Variants in TRIM66 observed in about 807,000 individuals in gnomAD.
TRIM66 encodes the protein tripartite motif containing 66, also known as tripartite motif-containing protein 66.
TRIM66 carries 99 observed loss-of-function variants against 148.2 expected under a neutral mutation model. The ratio of observed to expected loss-of-function variants is 0.67; its 90% confidence interval spans 0.57 to 0.79. TRIM66 has a LOEUF of 0.79. TRIM66 is among the 30% of genes least tolerant of loss of function. The probability of loss-of-function intolerance (pLI) is 0.00; values close to 1 mark genes in which losing one functional copy is unlikely to be tolerated. For synonymous variants in TRIM66, 616 were observed against 635.9 expected, an observed-to-expected ratio of 0.97 and a Z score of 0.47; for missense variants, 1,666 against 1,697.9, an observed-to-expected ratio of 0.98 and a Z score of 0.33.
intron 15 of TRIM66, among the ~76,000 whole-genome samples, chr11:8,636,095 T>A (rs1332422500): frequency 1.3e-5 from 2 of 151,912 alleles, no homozygotes; most frequent in Non-Finnish European, 2.9e-5. Context: ...TTTTGAGATA[T>A]CTTCTCAACT....
In TRIM66 at chr11:8,620,400, G is replaced by A. The variant is rs558278528; in HGVS notation, c.3672+46C>T. ...GGCCTCAGACCCTGTAGGCAGAAGG[G>A]GGCTGCCAAAGGCAGGGAACCTTGT... is the stretch of plus-strand genomic sequence containing the variant. On this transcript the variant is annotated intron_variant, in intron 21 of 24. Transcript: ENST00000646038. 27 of 1,549,156 alleles carry A rather than the reference G, an allele frequency of 1.7e-5. No homozygotes were observed. In the African/African-American group the frequency reaches 3.7e-4, roughly 21 times the overall value.
At chr11:8,678,230 T>G (rs1285530470) in intron 3 of TRIM66, 4 of 152,124 alleles carry the variant, frequency 2.6e-5, no homozygotes, top group African/African-American at 9.7e-5. Context: ...TCCATCATTG[T>G]CTCTAACAGC....
At chr11:8,682,524 G>C (rs942499233) in intron 1 of TRIM66, 77 bp downstream of exon 1, 2 of 510,502 alleles carry the variant, frequency 3.9e-6, no homozygotes, top group South Asian at 4.5e-5. Flanking sequence ...GCAAGCACGG[G>C]CGGCGTGCAG....
intron 12 of TRIM66, 56 bp from the exon 13 acceptor site, chr11:8,643,182 C>T (rs2036550110): frequency 1.0e-5 from 15 of 1,429,602 alleles, no homozygotes; most frequent in Admixed American, 4.0e-5. Context: ...AATGACAACT[C>T]CCCTTCCCTT....
rs2038979924 is a variant in TRIM66 at position 8,672,379 on chromosome 11, G to A, written c.-105C>T. Reference sequence around the variant, plus strand: ...TGTGCCTCTCCTTATTGGTAGACAAGCTTGACCTAAGTTTCAATTTTGGAA... The same window carrying A: ...TGTGCCTCTCCTTATTGGTAGACAAACTTGACCTAAGTTTCAATTTTGGAA... On this transcript the variant is annotated 5_prime_UTR_variant, in exon 5 of 25. Transcript: ENST00000646038. 2.7e-6 allele frequency: 4 copies of A among 1,502,368 alleles called. No individual in the cohort carries two copies. In the African/African-American group the frequency reaches 5.6e-5, roughly 21 times the overall value. 93.1% of individuals were successfully genotyped at this position (1,502,368 alleles called of 1,614,324 possible). A position where few individuals can be genotyped will look rare whatever the true frequency, so the allele number is the denominator to read the frequency against.
intron 3 of TRIM66, among the ~76,000 whole-genome samples, chr11:8,675,698 G>A (rs568927698): frequency 3.9e-5 from 6 of 151,926 alleles, no homozygotes; most frequent in Admixed American, 1.3e-4. Context: ...TTGTCCTTTC[G>A]TGTAATACTG....
chr11:8,682,704 C>G, upstream of TRIM66: 1 of 1,361,670 alleles, frequency 7.3e-7, no homozygotes, highest in Non-Finnish European at 1.0e-6. Context: ...CAGGAGGCCC[C>G]GCCCGAAGCC....
chr11:8,638,941 T>A (rs1035531987), intron 14 of TRIM66, 126 bp from the exon 15 acceptor site: 9 of 1,003,118 alleles, frequency 9.0e-6, no homozygotes, highest in Non-Finnish European at 1.3e-5. Context: ...TGTGGACTGC[T>A]TAAACGTTTT....
intron 1 of TRIM66, among the ~76,000 whole-genome samples, chr11:8,681,717 G>T (rs2039437271): frequency 6.6e-6 from 1 of 152,002 alleles, no homozygotes; most frequent in African/African-American, 2.4e-5. Flanking sequence ...CTAGTTGAGT[G>T]TGGATTAAAA....
At chr11:8,623,691 AC>A (rs1164404624) in intron 17 of TRIM66, among the ~76,000 whole-genome samples, 2 of 152,146 alleles carry the variant, frequency 1.3e-5, no homozygotes, top group Non-Finnish European at 2.9e-5. Flanking sequence ...CTCACCTTCC[AC>A]AGAAGAACAA....
intron 12 of TRIM66, among the ~76,000 whole-genome samples, chr11:8,645,014 C>G (rs918221888): frequency 7.2e-5 from 11 of 152,236 alleles, no homozygotes; most frequent in Admixed American, 7.2e-4. Flanking sequence ...GCTTCTCACT[C>G]TCCTCCAGTC....
At chr11:8,618,608 G>C (rs190137673) in intron 24 of TRIM66, 142 bp downstream of exon 24, 1 of 753,194 alleles carries the variant, frequency 1.3e-6, no homozygotes, top group Admixed American at 2.3e-5. Flanking sequence ...CTTCCCTGGG[G>C]GCTAAGGGGC....
Position 8,640,640 on chromosome 11 carries a change from T to C in TRIM66, c.1735A>G (p.Ile579Val). Reference protein sequence around the residue: ...HAQPTLQTPSIQVQFGHHQKL... With the variant: ...HAQPTLQTPSVQVQFGHHQKL... ...TGGTGGTGGCCAAACTGGACTTGGA[T>C]AGAGGGTGTCTGTAAGGTGGGCTGG... Residue 579 changes from isoleucine (I) to valine (V), a missense_variant, in exon 14 of 25, where the codon ATC (isoleucine) becomes GTC (valine). Ile to Val is a conservative substitution (Grantham distance 29). Transcript: ENST00000646038. 6.4e-7 allele frequency: 1 copy of C among 1,551,460 alleles called. No homozygotes were observed. The highest frequency in any genetic ancestry group is 1.2e-5 in the South Asian group (1 of 84,042).
Position 8,646,476 on chromosome 11 carries a change from G to A in TRIM66, c.928C>T (p.Gln310Ter). The change falls in exon 11 of 25, where the codon CAG becomes TAG. Residue 310 changes from glutamine (Q) to a stop codon, truncating the protein, a stop_gained. Coordinates refer to ENST00000646038, the MANE Select transcript of TRIM66 (RefSeq NM_001388022.1). LOFTEE classifies it high-confidence loss of function. ...AATTCCTCTATTAGCCCATTGGCCT[G>A]TTTGTTCAGCTCATTCATCAGAACC... ...KMVLMNELNK[Q>*]ANGLIEELEG... The A allele has an allele frequency of 6.4e-7, 1 of 1,552,254 alleles. No homozygotes were observed. Among genetic ancestry groups the A allele is most frequent in the Non-Finnish European group, 8.7e-7 (1 of 1,147,098 alleles).
At chr11:8,677,842 G>C (rs923569495) in intron 3 of TRIM66, among the ~76,000 whole-genome samples, 6 of 152,152 alleles carry the variant, frequency 3.9e-5, no homozygotes, top group African/African-American at 1.4e-4. Flanking sequence ...CTTTAGGAAT[G>C]TAATTGCCAT....
chr11:8,662,706 A>G (rs1419002733), intron 6 of TRIM66, among the ~76,000 whole-genome samples: 1 of 152,260 alleles, frequency 6.6e-6, no homozygotes, highest in African/African-American at 2.4e-5. Flanking sequence ...TCTAAGTATC[A>G]AAGTCTTCCA....
rs2037212179 is a variant in TRIM66 at position 8,649,946 on chromosome 11, AGTG to A, written c.445-62_445-60del. 1.6e-5 allele frequency: 24 copies of A among 1,522,736 alleles called. No individual in the cohort carries two copies. The South Asian group carries it at 2.7e-4, about 17-fold the overall frequency. The allele number at this position is 1,522,736 out of a possible 1,614,324, so 94.3% of individuals were successfully genotyped here. On this transcript the variant is annotated intron_variant, in intron 7 of 24. Transcript: ENST00000646038. ...ATCCTCATTTGTGTCTGCCTCCACAAGTGGTAAATGCTCTAAAGACAGGGGTCC... is the reference window on the plus strand; with the variant it reads ...ATCCTCATTTGTGTCTGCCTCCACAAGTAAATGCTCTAAAGACAGGGGTCC...
In TRIM66 at chr11:8,614,259, A is replaced by C. The variant is rs1437315422; in HGVS notation, c.*3685T>G. 6.6e-6 allele frequency: 1 copy of C among 152,250 alleles called. No individual in the cohort carries two copies. Among genetic ancestry groups the C allele is most frequent in the Non-Finnish European group, 1.5e-5 (1 of 68,114 alleles). The allele number at this position is 152,250 out of a possible 1,614,324, so 9.4% of individuals were successfully genotyped here. ...GAGGCTGAGATGGGAGGATCACCTG[A>C]GCCCAGAAGGCAGAGGTTGCAATGA... On this transcript the variant is annotated 3_prime_UTR_variant, in exon 25 of 25. Transcript: ENST00000646038.
intron 22 of TRIM66, among the ~76,000 whole-genome samples, chr11:8,619,800 C>T (rs958441258): frequency 1.3e-5 from 2 of 152,184 alleles, no homozygotes; most frequent in Admixed American, 6.5e-5. Flanking sequence ...CCCTACGGTC[C>T]CCTGGACTAT....
Sources: allele counts gnomAD v4.1 joint callset (sites outside exome capture counted in the v4.1 genomes callset), GRCh38; gene constraint gnomAD v4.1.1; transcripts MANE v1.5; gene names NCBI Gene and HGNC (gene_info 2026-07-23, HGNC 2026-07-21).